Variants in RFC3 observed in about 807,000 individuals in gnomAD.
RFC3 encodes A1 38 kDa subunit.
A neutral mutation model predicts 45.1 loss-of-function variants in RFC3; 41 were observed. That is an observed-to-expected ratio of 0.91 (90% CI 0.71 to 1.18). The LOEUF (loss-of-function observed/expected upper bound fraction) is 1.18. Ranked by LOEUF, RFC3 falls within the 50% of genes most tolerant of loss-of-function variation. The pLI is 0.00. For missense variants in RFC3, 423 were observed against 428.1 expected (o/e 0.99, Z 0.10); for synonymous variants, 149 against 144.0 (o/e 1.03, Z -0.25).
chr13:33,950,384 T>A (rs769827321), intron 8 of RFC3, among the ~76,000 whole-genome samples: 36 of 152,228 alleles, frequency 2.4e-4, no homozygotes, highest in Non-Finnish European at 4.3e-4. Flanking sequence ...TTAGTAAAAA[T>A]ATCGATATAA....
downstream of RFC3, among the ~76,000 whole-genome samples, chr13:33,839,666 A>G (rs371446676): frequency 4.6e-5 from 7 of 152,212 alleles, no homozygotes; most frequent in East Asian, 5.8e-4. Flanking sequence ...TCCTGTTTCC[A>G]TTAGTAGAAG....
chr13:33,919,845 C>T (rs939805546), intron 8 of RFC3, among the ~76,000 whole-genome samples: 25 of 151,924 alleles, frequency 1.6e-4, no homozygotes, highest in South Asian at 2.1e-4. Flanking sequence ...TCTAAATGGT[C>T]GTAGATAAAA....
downstream of RFC3, among the ~76,000 whole-genome samples, chr13:33,839,909 G>T (rs1202941170): frequency 6.6e-6 from 1 of 152,134 alleles, no homozygotes. Flanking sequence ...ATTAAATACT[G>T]TAGTTTGACA....
At chr13:33,925,591 A>ACTATATACATACATATATAGTGTC (rs2082805336) in intron 8 of RFC3, among the ~76,000 whole-genome samples, 1 of 150,352 alleles carries the variant, frequency 6.7e-6, no homozygotes, top group South Asian at 2.1e-4. Context: ...TATATAGTGT[A>ACTATATACATACATATATAGTGTC]CTATATACAT....
At chr13:33,886,736 A>C (rs2082527020) in intron 8 of RFC3, among the ~76,000 whole-genome samples, 1 of 144,304 alleles carries the variant, frequency 6.9e-6, no homozygotes, top group Admixed American at 6.9e-5. Flanking sequence ...TGCACCCATT[A>C]ACTCATCATT....
rs755713921 is a variant in RFC3, at chr13:33,836,179, G to A, written c.955G>A (p.Glu319Lys). Residue 319 changes from glutamate (E) to lysine (K), a missense_variant, in exon 9 of 9, where the codon GAG becomes AAG. Coordinates refer to ENST00000380071, the MANE Select transcript of RFC3 (RefSeq NM_002915.4). ...GEVAQMAAYY[E>K]HRLQLGSKAI... ...GGTGGCACAAATGGCAGCTTACTAT[G>A]AGCATCGTCTACAGCTGGGTAGCAA... 1.9e-6 allele frequency: 3 copies of A among 1,613,412 alleles called. No individual in the cohort carries two copies. The highest frequency in any genetic ancestry group is 2.5e-6 in the Non-Finnish European group (3 of 1,179,498).
At chr13:33,875,395 G>A (rs1431999078) in intron 8 of RFC3, among the ~76,000 whole-genome samples, 1 of 152,188 alleles carries the variant, frequency 6.6e-6, no homozygotes, top group Non-Finnish European at 1.5e-5. Context: ...GCATTACCCA[G>A]GAGTAGCTAT....
chr13:33,863,871 C>CT (rs754629656), intron 8 of RFC3, among the ~76,000 whole-genome samples: 40 of 152,314 alleles, frequency 2.6e-4, no homozygotes, highest in Non-Finnish European at 4.3e-4. Context: ...AACATCTCTC[C>CT]CGAGGTTTTT....
rs1555308492 is a variant in RFC3 at position 33,834,329 on chromosome 13, T to TAC, written c.810-818_810-817insCA. On this transcript the variant is annotated intron_variant, in intron 7 of 8. Transcript: ENST00000380071. The stretch of plus-strand genomic sequence containing the variant: ...ATATATATATATATATATATATATA[T>TAC]ATCTGTACTGTAAAAATTCAGAAGT... Among the ~76,000 whole-genome samples, 74 of 125,088 alleles carry TAC rather than the reference T, an allele frequency of 5.9e-4. 2 individuals carry two copies. The highest frequency in any genetic ancestry group is 1.4e-3 in the African/African-American group (42 of 29,596). The allele number at this position is 125,088 out of a possible 152,430, so 82.1% of individuals were successfully genotyped here.
At chr13:33,873,834 G>T (rs148318837) in intron 8 of RFC3, among the ~76,000 whole-genome samples, 1 of 152,058 alleles carries the variant, frequency 6.6e-6, no homozygotes, top group Non-Finnish European at 1.5e-5. Context: ...ACTTTGAGGC[G>T]GTCAAAGTCC....
At chr13:33,948,303 T>A (rs1258922379) in intron 8 of RFC3, among the ~76,000 whole-genome samples, 4 of 152,156 alleles carry the variant, frequency 2.6e-5, no homozygotes, top group African/African-American at 7.2e-5. Context: ...TTACCTGTGG[T>A]GTTAGGCCTG....
intron 8 of RFC3, among the ~76,000 whole-genome samples, chr13:33,935,996 C>T (rs1029409980): frequency 2.6e-5 from 4 of 152,108 alleles, no homozygotes; most frequent in African/African-American, 9.7e-5. Context: ...TGTATGGCTC[C>T]GGGTCCACTG....
At chr13:33,946,305 G>A (rs1435526912) in intron 8 of RFC3, among the ~76,000 whole-genome samples, 1 of 152,106 alleles carries the variant, frequency 6.6e-6, no homozygotes, top group Non-Finnish European at 1.5e-5. Context: ...CATGACTCAG[G>A]CAGTCTAATT....
At chr13:33,848,874 T>A (rs1002350059) in intron 8 of RFC3, 2 of 152,144 alleles carry the variant, frequency 1.3e-5, no homozygotes, top group African/African-American at 4.8e-5. Context: ...ATATTTAGAT[T>A]TAGACCACTA....
At position 33,937,073 on chromosome 13, in the gene RFC3, G is replaced by A. The variant is rs78909259; in HGVS notation, c.880-29014G>A. 4.9e-3 allele frequency among the ~76,000 whole-genome samples: 740 copies of A among 152,198 alleles called. 8 individuals are homozygous for A. The highest frequency in any genetic ancestry group is 0.017 in the African/African-American group (703 of 41,530). ...GTGTATATGTATACTAAATCATCAG[G>A]TTGTACATCTTAAATACAGTCATGT... On this transcript the variant is annotated intron_variant, in intron 8 of 8. Transcript: ENST00000434425.
intron 8 of RFC3, chr13:33,848,018 C>T (rs925288070): frequency 1.3e-5 from 2 of 152,198 alleles, no homozygotes; most frequent in Admixed American, 6.5e-5. Context: ...CCTGGGTGAC[C>T]TTATACATGC....
chr13:33,931,046 CTT>C (rs1459086264), intron 8 of RFC3, among the ~76,000 whole-genome samples: 1 of 151,974 alleles, frequency 6.6e-6, no homozygotes, highest in African/African-American at 2.4e-5. Context: ...TTCAATGTGT[CTT>C]TACATGATAT....
rs766615656 is a variant in RFC3 at position 33,829,893 on chromosome 13, G to C, written c.449G>C (p.Arg150Thr). The C allele has an allele frequency of 6.2e-7, 1 of 1,614,092 alleles. No individual in the cohort carries two copies. Among genetic ancestry groups the C allele is most frequent in the Non-Finnish European group, 8.5e-7 (1 of 1,179,952 alleles). ...LTKDAQHALRRTMEKYMSTCR... is the reference protein window; with the variant it reads ...LTKDAQHALRTTMEKYMSTCR... ...AAAGATGCTCAGCATGCCTTGCGAA[G>C]AACCATGGAAAAATATATGTCTACC... is the stretch of plus-strand genomic sequence containing the variant. The change falls in exon 5 of 9, where the codon AGA (arginine) becomes ACA (threonine). Residue 150 changes from arginine (R) to threonine (T), a missense_variant. Coordinates refer to ENST00000380071, the MANE Select transcript of RFC3 (RefSeq NM_002915.4).
chr13:33,830,270 G>A (rs895793926), intron 5 of RFC3, among the ~76,000 whole-genome samples: 2 of 152,130 alleles, frequency 1.3e-5, no homozygotes, highest in African/African-American at 4.8e-5. Flanking sequence ...AACTAGGTAA[G>A]GGCTAGTTAT....
Sources: gnomAD v4.1 joint callset for allele counts (sites outside exome capture counted in the v4.1 genomes callset) on GRCh38, gnomAD v4.1.1 for gene constraint, MANE v1.5 for transcripts, NCBI Gene and HGNC (gene_info 2026-07-23, HGNC 2026-07-21) for gene names.